CDX1: variants seen among roughly 807,000 people sequenced by gnomAD.
CDX1 encodes caudal type homeobox 1.
Under a neutral mutation model 16.9 loss-of-function variants are expected in CDX1, and 9 were observed. The observed-to-expected ratio is 0.53, with a 90% CI of 0.32 to 0.93. The LOEUF is 0.93. Among genes scored for constraint, CDX1 ranks in the 40% least tolerant of loss-of-function variants. The probability of loss-of-function intolerance (pLI) is 0.04; values close to 1 mark genes in which losing one functional copy is unlikely to be tolerated. For missense variants in CDX1, 393 were observed against 386.1 expected (o/e 1.02, Z -0.15); for synonymous variants, 179 against 179.0 (o/e 1.00, Z 0.00).
chr5:150,183,181 A>G (rs761853505), intron 2 of CDX1, among the ~76,000 whole-genome samples: 2 of 152,144 alleles, frequency 1.3e-5, no homozygotes, highest in African/African-American at 4.8e-5. Context: ...TGCACGTGCT[A>G]TTTACATTAG....
chr5:150,174,325 A>G (rs1022776878), intron 1 of CDX1, among the ~76,000 whole-genome samples: 16 of 152,274 alleles, frequency 1.1e-4, no homozygotes, highest in Admixed American at 3.3e-4. Context: ...CTTCGGCCTC[A>G]GAGAAGACCT....
At chr5:150,175,605 G>A (rs930367318) in intron 1 of CDX1, among the ~76,000 whole-genome samples, 1 of 152,226 alleles carries the variant, frequency 6.6e-6, no homozygotes, top group Non-Finnish European at 1.5e-5. Flanking sequence ...TTAGCAGCCG[G>A]GGACTGCCAG....
chr5:150,183,733 G>A lies in CDX1; in HGVS notation c.*53G>A. 2 of 1,386,998 alleles carry A rather than the reference G, an allele frequency of 1.4e-6. No individual in the cohort carries two copies. Among genetic ancestry groups the A allele is most frequent in the South Asian group, 3.1e-5 (2 of 64,760 alleles). The allele number at this position is 1,386,998 out of a possible 1,614,324, so 85.9% of individuals were successfully genotyped here. A position where few individuals can be genotyped will look rare whatever the true frequency, so the allele number is the denominator to read the frequency against. On this transcript the variant is annotated 3_prime_UTR_variant, in exon 3 of 3. Coordinates refer to ENST00000231656, the MANE Select transcript of CDX1 (RefSeq NM_001804.3). The stretch of plus-strand genomic sequence containing the variant: ...ACCTGGGGACTCGGGTGCTGGGAGT[G>A]TGGCTCCTGTGGGCCCAGGAGGTCT...
In CDX1 at chr5:150,183,835, C is replaced by A. The variant is rs575862167; in HGVS notation, c.*155C>A. On this transcript the variant is annotated 3_prime_UTR_variant, in exon 3 of 3. Transcript: ENST00000231656. ...CACCCTCTGCATCCCCTTGGCCCAT[C>A]TGTGCAGTAAGCCTGTTGGATAAAG... The A allele has an allele frequency of 1.1e-5, 6 of 550,336 alleles. No individual in the cohort carries two copies. The highest frequency in any genetic ancestry group is 9.4e-5 in the African/African-American group (5 of 53,408). The allele number at this position is 550,336 out of a possible 1,614,324, so 34.1% of individuals were successfully genotyped here.
intron 1 of CDX1, among the ~76,000 whole-genome samples, chr5:150,168,069 C>A (rs1293296187): frequency 6.6e-6 from 1 of 152,230 alleles, no homozygotes; most frequent in Non-Finnish European, 1.5e-5. Context: ...GCGGCTTGAC[C>A]TCCGTTATGG....
intron 1 of CDX1, among the ~76,000 whole-genome samples, chr5:150,175,895 C>A (rs1490363809): frequency 1.3e-5 from 2 of 152,240 alleles, no homozygotes; most frequent in Non-Finnish European, 2.9e-5. Flanking sequence ...CTCACTTCTG[C>A]AAATAGCTGT....
chr5:150,182,892 T>C lies in CDX1; in HGVS notation c.570T>C (p.Asn190=), dbSNP rs1752482593. The C allele has an allele frequency of 6.2e-7, 1 of 1,611,186 alleles. No individual in the cohort carries two copies. Among genetic ancestry groups the C allele is most frequent in the East Asian group, 2.2e-5 (1 of 44,812 alleles). Residue 190 remains asparagine, a synonymous_variant, in exon 2 of 3, where the codon AAT becomes AAC. Transcript: ENST00000231656. Reference sequence around the variant, plus strand: ...GGCGGAAATCAGAGCTGGCTGCCAATCTGGGGCTCACTGAACGGCAGGTGT... The same window carrying C: ...GGCGGAAATCAGAGCTGGCTGCCAACCTGGGGCTCACTGAACGGCAGGTGT... ...TIRRKSELAA[N]LGLTERQVKI... is the part of the protein sequence containing the mutation.
At chr5:150,170,228 TTCA>T (rs1761486194) in intron 1 of CDX1, among the ~76,000 whole-genome samples, 1 of 152,200 alleles carries the variant, frequency 6.6e-6, no homozygotes, top group Non-Finnish European at 1.5e-5. Flanking sequence ...AGATCTTAGT[TTCA>T]TCATCACCTC....
Position 150,167,392 on chromosome 5 carries a change from T to G in CDX1, c.445+71T>G, listed in dbSNP as rs1274817795. 26 of 1,074,864 alleles carry G rather than the reference T, an allele frequency of 2.4e-5. No individual in the cohort carries two copies. In the East Asian group the frequency reaches 7.8e-4, roughly 32 times the overall value. The allele number at this position is 1,074,864 out of a possible 1,614,324, so 66.6% of individuals were successfully genotyped here. On this transcript the variant is annotated intron_variant, in intron 1 of 2. Transcript: ENST00000231656. ...CGGGCGCGGCCCAGGCCGCCCCCTG[T>G]CTGACCTCTGCTCCGGCCCTGCTCG... is the stretch of plus-strand genomic sequence containing the variant.
intron 1 of CDX1, among the ~76,000 whole-genome samples, chr5:150,177,290 A>G (rs1447320673): frequency 6.6e-6 from 1 of 152,278 alleles, no homozygotes; most frequent in Admixed American, 6.5e-5. Context: ...CACGTTTCCA[A>G]GTTGGAAGGG....
intron 2 of CDX1, 134 bp downstream of exon 2, chr5:150,183,047 C>A: frequency 9.0e-7 from 1 of 1,114,428 alleles, no homozygotes; most frequent in Non-Finnish European, 1.3e-6. Context: ...CACAGCACAG[C>A]AGAAACTGAG....
Position 150,169,579 on chromosome 5 carries a change from ACT to A in CDX1, c.445+2262_445+2263del, listed in dbSNP as rs573785527. ...GGGCAGAATTGGGTTGGCACTGTTGACTCTCCCTGAGAGAGAGGCCAAGCCCC... is the reference window on the plus strand; with the variant it reads ...GGGCAGAATTGGGTTGGCACTGTTGACTCCCTGAGAGAGAGGCCAAGCCCC... On this transcript the variant is annotated intron_variant, in intron 1 of 2. Transcript: ENST00000231656. Among the ~76,000 whole-genome samples the A allele has an allele frequency of 1.8e-4, 27 of 151,546 alleles. No individual in the cohort carries two copies. The East Asian group carries it at 3.9e-3, about 22-fold the overall frequency.
intron 1 of CDX1, among the ~76,000 whole-genome samples, chr5:150,175,246 G>A (rs927390383): frequency 2.1e-4 from 32 of 152,182 alleles, no homozygotes; most frequent in African/African-American, 5.8e-4. Context: ...AACTCAAAGA[G>A]GTCCAGCAAC....
intron 1 of CDX1, among the ~76,000 whole-genome samples, chr5:150,175,103 G>A (rs989027352): frequency 1.3e-5 from 2 of 152,104 alleles, no homozygotes; most frequent in Middle Eastern, 3.2e-3. Context: ...CAGCTTCTTT[G>A]TCTCTGTAGT....
At chr5:150,174,958 G>A (rs1761549274) in intron 1 of CDX1, among the ~76,000 whole-genome samples, 1 of 152,076 alleles carries the variant, frequency 6.6e-6, no homozygotes, top group African/African-American at 2.4e-5. Context: ...TGTATTTTTA[G>A]TAGAGACAGA....
At chr5:150,180,654 T>C (rs1761629426) in intron 1 of CDX1, among the ~76,000 whole-genome samples, 1 of 151,946 alleles carries the variant, frequency 6.6e-6, no homozygotes, top group Admixed American at 6.6e-5. Flanking sequence ...TTGATGGTCT[T>C]TCAGAGACCC....
chr5:150,180,511 G>A (rs186838033), intron 1 of CDX1, among the ~76,000 whole-genome samples: 50 of 152,328 alleles, frequency 3.3e-4, no homozygotes, highest in Non-Finnish European at 5.3e-4. Context: ...GCTTGGTGGA[G>A]GGGGACAGGC....
chr5:150,167,786 C>T (rs570046478), intron 1 of CDX1, among the ~76,000 whole-genome samples: 9 of 152,356 alleles, frequency 5.9e-5, no homozygotes, highest in Middle Eastern at 3.4e-3. Flanking sequence ...GGCTGGGTCT[C>T]CCCATCACAC....
rs2302274 is a variant in CDX1, at chr5:150,166,863, A to C, written c.-14A>C. The C allele has an allele frequency of 7.1e-5, 104 of 1,459,380 alleles. 2 individuals are homozygous for C. The South Asian group carries it at 9.8e-4, about 14-fold the overall frequency. 90.4% of individuals were successfully genotyped at this position (1,459,380 alleles called of 1,614,324 possible). Reference sequence around the variant, plus strand: ...CTCCAGGGCCCAGCATGCGCGGGGGACCCCGCGGCCACCATGTATGTGGGC... The same window carrying C: ...CTCCAGGGCCCAGCATGCGCGGGGGCCCCCGCGGCCACCATGTATGTGGGC... On this transcript the variant is annotated 5_prime_UTR_variant, in exon 1 of 3. Transcript: ENST00000231656.
Sources: gnomAD v4.1 joint callset for allele counts (sites outside exome capture counted in the v4.1 genomes callset) on GRCh38, gnomAD v4.1.1 for gene constraint, MANE v1.5 for transcripts, NCBI Gene and HGNC (gene_info 2026-07-23, HGNC 2026-07-21) for gene names.